Variants in FLT3 observed in about 807,000 individuals in gnomAD.
FLT3 encodes fms related receptor tyrosine kinase 3.
Under a neutral mutation model 126.6 loss-of-function variants are expected in FLT3, and 46 were observed. The observed-to-expected ratio is 0.36, with a 90% CI of 0.29 to 0.46. The LOEUF is 0.46. Ranked by LOEUF, FLT3 falls within the 20% of genes least tolerant of loss-of-function variation. The probability of loss-of-function intolerance (pLI) is 1.00; values close to 1 mark genes in which losing one functional copy is unlikely to be tolerated. For synonymous variants in FLT3, 404 were observed against 434.4 expected (o/e 0.93, Z 0.87); for missense variants, 1,069 against 1,190.3 (o/e 0.90, Z 1.50).
At chr13:28,073,446 T>A in intron 1 of FLT3, 1 of 412,030 alleles carries the variant, frequency 2.4e-6, no homozygotes, top group Non-Finnish European at 4.8e-6. Context: ...CTTTGTAATC[T>A]CATAATCTGA....
intron 2 of FLT3, among the ~76,000 whole-genome samples, chr13:28,069,469 A>G (rs1021136952): frequency 1.3e-5 from 2 of 152,156 alleles, no homozygotes; most frequent in Non-Finnish European, 2.9e-5. Flanking sequence ...AAAATAAATG[A>G]CATAGGTGGA....
At chr13:28,014,247 G>A (rs1313692819) in intron 23 of FLT3, among the ~76,000 whole-genome samples, 1 of 151,920 alleles carries the variant, frequency 6.6e-6, no homozygotes, top group Non-Finnish European at 1.5e-5. Flanking sequence ...CTCCAGCCTG[G>A]GCCACAGAGC....
At position 28,049,509 on chromosome 13, in the gene FLT3, G is replaced by A. The variant is rs1875230593; in HGVS notation, c.911C>T (p.Ser304Leu). 7 of 1,613,884 alleles carry A rather than the reference G, an allele frequency of 4.3e-6. No individual in the cohort carries two copies. The African/African-American group carries it at 8.0e-5, about 18-fold the overall frequency. Reference protein sequence around the residue: ...EGNYFEMSTYSTNRTMIRILF... With the variant: ...EGNYFEMSTYLTNRTMIRILF... ...AATCCGTATCATAGTTCTGTTTGTT[G>A]AATAGGTACTCATCTCAAAGTAGTT... The change falls in exon 8 of 24, where the codon TCA becomes TTA. Residue 304 changes from serine (S) to leucine (L), a missense_variant. Transcript: ENST00000241453.
rs773310118 is a variant in FLT3, at chr13:28,062,078, CA to C, written c.166-10del. The C allele has an allele frequency of 6.2e-7, 1 of 1,608,078 alleles. No homozygotes were observed. The highest frequency in any genetic ancestry group is 8.5e-7 in the Non-Finnish European group (1 of 1,177,038). On this transcript the variant is annotated splice_polypyrimidine_tract_variant and intron_variant, in intron 2 of 23. Coordinates refer to ENST00000241453, the MANE Select transcript of FLT3 (RefSeq NM_004119.3). ...TCCGGGGATTCTGATACCTACGTTGCAGATAGAACAAAGTGAATTCATGAAA... is the reference window on the plus strand; with the variant it reads ...TCCGGGGATTCTGATACCTACGTTGCGATAGAACAAAGTGAATTCATGAAA...
chr13:28,075,551 C>G (rs192789978), intron 1 of FLT3, among the ~76,000 whole-genome samples: 19 of 152,022 alleles, frequency 1.2e-4, no homozygotes, highest in African/African-American at 4.6e-4. Context: ...ATGGTGAAAC[C>G]CTGTCTCTAC....
chr13:28,035,116 G>A (rs945802508), intron 12 of FLT3, among the ~76,000 whole-genome samples: 1 of 152,090 alleles, frequency 6.6e-6, no homozygotes, highest in Non-Finnish European at 1.5e-5. Flanking sequence ...TAACTTAGGA[G>A]GGCTCTAAAA....
At chr13:28,087,986 G>T (rs1327615310) in intron 1 of FLT3, among the ~76,000 whole-genome samples, 1 of 152,010 alleles carries the variant, frequency 6.6e-6, no homozygotes, top group Non-Finnish European at 1.5e-5. Context: ...TCATTTCTGG[G>T]TCCCTTTTGG....
intron 1 of FLT3, among the ~76,000 whole-genome samples, chr13:28,075,048 G>T (rs1877828793): frequency 2.0e-5 from 3 of 151,984 alleles, no homozygotes. Context: ...CACATCTTTT[G>T]CCCACATCTA....
At chr13:28,014,636 AC>A in intron 22 of FLT3, 79 bp from the exon 23 acceptor site, 1 of 966,904 alleles carries the variant, frequency 1.0e-6, no homozygotes, top group Non-Finnish European at 1.6e-6. Flanking sequence ...ATAATGAAGC[AC>A]CATTTATTCC....
chr13:28,098,535 G>A (rs7321212), intron 1 of FLT3, among the ~76,000 whole-genome samples: 53,701 of 151,902 alleles, frequency 0.35, 11,382 homozygotes, highest in African/African-American at 0.6. Context: ...GGAAATTGGT[G>A]TAACCACTGT....
At chr13:28,064,993 G>A (rs1338857278) in intron 2 of FLT3, among the ~76,000 whole-genome samples, 1 of 152,136 alleles carries the variant, frequency 6.6e-6, no homozygotes, top group Non-Finnish European at 1.5e-5. Context: ...GTACTATGTA[G>A]CTATAAAAAA....
chr13:28,075,723 TA>T lies in FLT3; in HGVS notation c.44-5112del, dbSNP rs905193442. ...CTGGGCAACAGAGTGAGGCTCTGTCTAAAAAAAAAAAAATGGATGCATCACT... is the reference window on the plus strand; with the variant it reads ...CTGGGCAACAGAGTGAGGCTCTGTCTAAAAAAAAAAAATGGATGCATCACT... On this transcript the variant is annotated intron_variant, in intron 1 of 23. Transcript: ENST00000241453. 3.6e-3 allele frequency among the ~76,000 whole-genome samples: 293 copies of T among 81,854 alleles called. 2 individuals carry two copies. Among genetic ancestry groups the T allele is most frequent in the South Asian group, 0.024 (32 of 1,350 alleles). The allele number at this position is 81,854 out of a possible 152,430, so 53.7% of individuals were successfully genotyped here. A position where few individuals can be genotyped will look rare whatever the true frequency, so the allele number is the denominator to read the frequency against.
In FLT3 at chr13:28,048,290, A is replaced by C; in HGVS notation, c.1190T>G (p.Leu397Arg). The C allele has an allele frequency of 6.2e-7, 1 of 1,613,808 alleles. No individual in the cohort carries two copies. The highest frequency in any genetic ancestry group is 1.7e-4 in the Middle Eastern group (1 of 6,060). The stretch of plus-strand genomic sequence containing the variant: ...GTGGTCTCACCTGTATCCGTTATCA[A>C]GACCCTTTTGCTCACAAGGAAATGA... Reference protein sequence around the residue: ...RKSFPCEQKGLDNGYSISKFC... With the variant: ...RKSFPCEQKGRDNGYSISKFC... Residue 397 changes from leucine (L) to arginine (R), a missense_variant, in exon 9 of 24, where the codon CTT becomes CGT. Leu to Arg is a moderately radical substitution (Grantham distance 102, BLOSUM62 -2). Transcript: ENST00000241453.
At position 28,098,103 on chromosome 13, in the gene FLT3, T is replaced by C. The variant is rs540676564; in HGVS notation, c.43+2365A>G. Among the ~76,000 whole-genome samples, 3 of 151,928 alleles carry C rather than the reference T, an allele frequency of 2.0e-5. No homozygotes were observed. In the East Asian group the frequency reaches 5.8e-4, roughly 29 times the overall value. On this transcript the variant is annotated intron_variant, in intron 1 of 23. Coordinates refer to ENST00000241453, the MANE Select transcript of FLT3 (RefSeq NM_004119.3). Reference sequence around the variant, plus strand: ...GCTGAGGTGGGTGGATCGCCTAAGGTCAGGAGTTCGAGACCAGCCTGGCCA... The same window carrying C: ...GCTGAGGTGGGTGGATCGCCTAAGGCCAGGAGTTCGAGACCAGCCTGGCCA...
chr13:28,089,198 A>G (rs1266800436), intron 1 of FLT3, among the ~76,000 whole-genome samples: 1 of 152,202 alleles, frequency 6.6e-6, no homozygotes, highest in East Asian at 1.9e-4. Flanking sequence ...AAAAACTGAC[A>G]ATACCACATG....
intron 1 of FLT3, among the ~76,000 whole-genome samples, chr13:28,072,500 G>A (rs1350783004): frequency 6.6e-6 from 1 of 152,078 alleles, no homozygotes; most frequent in Non-Finnish European, 1.5e-5. Flanking sequence ...GGGTTTGAGT[G>A]ATTCTCCTGC....
At chr13:28,038,554 A>G (rs6491252) in intron 9 of FLT3, among the ~76,000 whole-genome samples, 109,381 of 149,938 alleles carry the variant, frequency 0.73, 40,956 homozygotes, top group East Asian at 0.87. Context: ...CCGGGTTCCC[A>G]CCACTCTCCT....
chr13:28,036,236 T>C (rs921852075), intron 10 of FLT3, among the ~76,000 whole-genome samples, 193 bp from the exon 11 acceptor site: 3 of 152,206 alleles, frequency 2.0e-5, no homozygotes, highest in Non-Finnish European at 4.4e-5. Flanking sequence ...TGGTACTTTC[T>C]GGAAATAGTT....
At chr13:28,071,537 A>C (rs183664837) in intron 1 of FLT3, among the ~76,000 whole-genome samples, 148 of 152,140 alleles carry the variant, frequency 9.7e-4, no homozygotes, top group African/African-American at 3.3e-3. Context: ...CCCATGATTT[A>C]GATATTTTCC....
Sources: allele counts gnomAD v4.1 joint callset (sites outside exome capture counted in the v4.1 genomes callset), GRCh38; gene constraint gnomAD v4.1.1; transcripts MANE v1.5; gene names NCBI Gene and HGNC (gene_info 2026-07-23, HGNC 2026-07-21).